ZBTB17: variants seen among roughly 807,000 people sequenced by gnomAD.
ZBTB17 encodes the protein zinc finger and BTB domain containing 17.
Under a neutral mutation model 85.1 loss-of-function variants are expected in ZBTB17, and 24 were observed. The observed-to-expected ratio is 0.28, with a 90% CI of 0.20 to 0.40. ZBTB17 has a LOEUF of 0.40. ZBTB17 is among the 10% of genes least tolerant of loss of function. The pLI is 1.00. For missense variants in ZBTB17, 743 were observed against 1,105.1 expected (o/e 0.67, Z 4.65); for synonymous variants, 464 against 460.2 (o/e 1.01, Z -0.11).
intron 2 of ZBTB17, among the ~76,000 whole-genome samples, chr1:15,961,514 A>G (rs1475405666): frequency 6.6e-6 from 1 of 152,234 alleles, no homozygotes; most frequent in East Asian, 1.9e-4. Flanking sequence ...TCAAGACTCA[A>G]TGTCTCAGTT....
In ZBTB17 at chr1:15,941,935, C is replaced by A; in HGVS notation, c.*34G>T. 6.4e-7 allele frequency: 1 copy of A among 1,568,616 alleles called. No homozygotes were observed. Among genetic ancestry groups the A allele is most frequent in the Non-Finnish European group, 8.6e-7 (1 of 1,161,494 alleles). ...CCCTTCCCGGTTCCAGGGTGCCATC[C>A]ATCCTTAAATAAACAGTCAGAAGGG... On this transcript the variant is annotated 3_prime_UTR_variant, in exon 16 of 16. Coordinates refer to ENST00000375743, the MANE Select transcript of ZBTB17 (RefSeq NM_003443.3).
At chr1:15,968,338 G>C (rs78782564) in intron 2 of ZBTB17, among the ~76,000 whole-genome samples, 1 of 152,106 alleles carries the variant, frequency 6.6e-6, no homozygotes, top group East Asian at 1.9e-4. Flanking sequence ...CCACTCATCC[G>C]ACACTTGCTG....
chr1:15,947,889 T>G (rs2071678563), intron 3 of ZBTB17, among the ~76,000 whole-genome samples: 1 of 152,212 alleles, frequency 6.6e-6, no homozygotes, highest in African/African-American at 2.4e-5. Context: ...TTCCTGACAC[T>G]GCTCCCAGCC....
intron 13 of ZBTB17, 76 bp downstream of exon 13, chr1:15,942,988 G>A: frequency 1.3e-6 from 2 of 1,584,030 alleles, no homozygotes; most frequent in Non-Finnish European, 8.6e-7. Flanking sequence ...GGTCTGGGGG[G>A]TCCCTTCCTT....
chr1:15,970,926 G>A (rs929332469), intron 2 of ZBTB17, among the ~76,000 whole-genome samples: 4 of 152,164 alleles, frequency 2.6e-5, no homozygotes, highest in African/African-American at 9.7e-5. Context: ...GGTCTGCACT[G>A]TGATAGCAAC....
chr1:15,964,520 C>T lies in ZBTB17; in HGVS notation c.-3+8519G>A, dbSNP rs527377739. 7.9e-5 allele frequency among the ~76,000 whole-genome samples: 12 copies of T among 152,128 alleles called. No homozygotes were observed. The highest frequency in any genetic ancestry group is 1.2e-4 in the African/African-American group (5 of 41,508). On this transcript the variant is annotated intron_variant, in intron 2 of 15. Transcript: ENST00000375743. This position sits in a 1 kb window ranked among gnomAD's most constrained non-coding sequence, Gnocchi z 4.3. Reference sequence around the variant, plus strand: ...ATTGCTTGAGCCCAGGAATTCAAGACTAGCTTGGGCTACATGGTGAAACCC... The same window carrying T: ...ATTGCTTGAGCCCAGGAATTCAAGATTAGCTTGGGCTACATGGTGAAACCC...
At position 15,942,124 on chromosome 1, in the gene ZBTB17, A is replaced by C. The variant is rs1401810797; in HGVS notation, c.2257T>G (p.Phe753Val). ...ALVMFQTDAD[F>V]YQQYGPGGTW... The stretch of plus-strand genomic sequence containing the variant: ...CCACCTGGCCCATACTGCTGATAGA[A>C]GTCCGCGTCTGTCTGGAACATGACC... The change falls in exon 16 of 16, where the codon TTC becomes GTC. Residue 753 changes from phenylalanine to valine, a missense_variant. Coordinates refer to ENST00000375743, the MANE Select transcript of ZBTB17 (RefSeq NM_003443.3). The C allele has an allele frequency of 6.2e-7, 1 of 1,613,482 alleles. No individual in the cohort carries two copies. Among genetic ancestry groups the C allele is most frequent in the Non-Finnish European group, 8.5e-7 (1 of 1,180,038 alleles).
rs746969518 is a variant in ZBTB17 at position 15,975,980 on chromosome 1, C to G, written c.-90+3G>C. Reference sequence around the variant, plus strand: ...CCGGCCCCGGGCGATTGTTGACACTCACCTGCCATGTCCCGGACCCCACCG... The same window carrying G: ...CCGGCCCCGGGCGATTGTTGACACTGACCTGCCATGTCCCGGACCCCACCG... On this transcript the variant is annotated splice_donor_region_variant and intron_variant, in intron 1 of 15. Transcript: ENST00000375743. 2.9e-6 allele frequency: 2 copies of G among 700,472 alleles called. No individual in the cohort carries two copies. The highest frequency in any genetic ancestry group is 5.4e-5 in the East Asian group (2 of 37,106). 43.4% of individuals were successfully genotyped at this position (700,472 alleles called of 1,614,324 possible). A position where few individuals can be genotyped will look rare whatever the true frequency, so the allele number is the denominator to read the frequency against.
At chr1:15,971,646 C>T (rs963131437) in intron 2 of ZBTB17, among the ~76,000 whole-genome samples, 2 of 141,742 alleles carry the variant, frequency 1.4e-5, no homozygotes, top group African/African-American at 5.2e-5. Flanking sequence ...AAAAAAAAAA[C>T]GAAAAGGTTG....
At position 15,953,917 on chromosome 1, in the gene ZBTB17, G is replaced by A. The variant is rs2148782903; in HGVS notation, c.-2-5420C>T. Among the ~76,000 whole-genome samples, 1 of 152,326 alleles carries A rather than the reference G, an allele frequency of 6.6e-6. No homozygotes were observed. Among genetic ancestry groups the A allele is most frequent in the East Asian group, 1.9e-4 (1 of 5,184 alleles). ...CCAGGAAGCAGAGATGCAGATGATA[G>A]TTTCATTTTTTTAGGCCAAAGTCTT... On this transcript the variant is annotated intron_variant, in intron 2 of 15. Coordinates refer to ENST00000375743, the MANE Select transcript of ZBTB17 (RefSeq NM_003443.3). This position sits in a 1 kb window ranked among gnomAD's most constrained non-coding sequence, Gnocchi z 5.1.
intron 2 of ZBTB17, among the ~76,000 whole-genome samples, chr1:15,971,541 ACACACACAC>A (rs1192287274): frequency 7.0e-6 from 1 of 143,560 alleles, no homozygotes; most frequent in African/African-American, 2.6e-5. Context: ...CTATATATAT[ACACACACAC>A]TATATATATA....
In ZBTB17 at chr1:15,941,982, G is replaced by A. The variant is rs751649746; in HGVS notation, c.2399C>T (p.Pro800Leu). ...AGGGCCGCCAGCTCACTCGGCAGGC[G>A]GGGGACATTCAGGAGCTGTAGGGGA... is the stretch of plus-strand genomic sequence containing the variant. ...ETSPTAPECP[P>L]PAE Residue 800 changes from proline (P) to leucine (L), a missense_variant, in exon 16 of 16, where the codon CCG (proline) becomes CTG (leucine). By Grantham distance (98) the Pro-to-Leu change is moderately conservative (BLOSUM62 -3). Around this residue, in one of 4 missense-constraint regions of ZBTB17, gnomAD observed 69 missense variants for 77.0 expected, o/e 0.90. Transcript: ENST00000375743. The A allele has an allele frequency of 2.4e-5, 38 of 1,596,786 alleles. No homozygotes were observed. The East Asian group carries it at 6.7e-4, about 28-fold the overall frequency.
In ZBTB17 at chr1:15,943,443, C is replaced by T. The variant is rs757204089; in HGVS notation, c.1653G>A (p.Gln551=). 5 of 1,609,602 alleles carry T rather than the reference C, an allele frequency of 3.1e-6. 1 individual carries two copies. In the South Asian group the frequency reaches 5.5e-5, roughly 18 times the overall value. ...AGACGTAGGGCTTCTCCCCGGTGTG[C>T]TGGCGCACGTGGGCGATGAGGGAGC... ...QASSLIAHVR[Q]HTGEKPYVCE... The change falls in exon 12 of 16, where the codon CAG becomes CAA. Residue 551 remains glutamine (Q), a synonymous_variant. Transcript: ENST00000375743.
chr1:15,973,116 G>C lies in ZBTB17; in HGVS notation c.-80C>G, dbSNP rs996282619. On this transcript the variant is annotated 5_prime_UTR_variant, in exon 2 of 16. Transcript: ENST00000375743. This position sits in a 1 kb window ranked among gnomAD's most constrained non-coding sequence, Gnocchi z 4.1. Reference sequence around the variant, plus strand: ...AACTCCAGCTTGGCTCCCCTCGTCCGGCTCATTACCTGAATCAATGACACA... The same window carrying C: ...AACTCCAGCTTGGCTCCCCTCGTCCCGCTCATTACCTGAATCAATGACACA... The C allele has an allele frequency of 6.6e-6, 1 of 152,116 alleles. No homozygotes were observed. The allele number at this position is 152,116 out of a possible 1,614,324, so 9.4% of individuals were successfully genotyped here.
chr1:15,948,318 C>T lies in ZBTB17; in HGVS notation c.178G>A (p.Val60Met), dbSNP rs2071697877. The T allele has an allele frequency of 6.2e-7, 1 of 1,613,786 alleles. No individual in the cohort carries two copies. Among genetic ancestry groups the T allele is most frequent in the African/African-American group, 1.3e-5 (1 of 74,942 alleles). The change falls in exon 3 of 16, where the codon GTG becomes ATG. Residue 60 changes from valine to methionine, a missense_variant. By Grantham distance (21) the Val-to-Met change is conservative. Transcript: ENST00000375743. ...GCCGCGTTACTGATGTCCAGGTGCA[C>T]CACGTCCTTCTGGTCCACGAAGAGC... Reference protein sequence around the residue: ...KMLFVDQKDVVHLDISNAAGL... With the variant: ...KMLFVDQKDVMHLDISNAAGL...
At chr1:15,969,736 G>A in intron 2 of ZBTB17, 2 of 487,224 alleles carry the variant, frequency 4.1e-6, no homozygotes, top group African/African-American at 1.9e-5. Context: ...GTCTGTGGGA[G>A]CACTCACTGT....
chr1:15,947,134 C>T lies in ZBTB17; in HGVS notation c.206-11G>A, dbSNP rs368271311. 3 of 1,601,274 alleles carry T rather than the reference C, an allele frequency of 1.9e-6. No individual in the cohort carries two copies. Among genetic ancestry groups the T allele is most frequent in the East Asian group, 2.2e-5 (1 of 44,516 alleles). ...GCACCTGCCCCAGGCCTACCAAGGA[C>T]AGGACAGCTGTCACAGACCCACCTC... On this transcript the variant is annotated splice_polypyrimidine_tract_variant and intron_variant, in intron 3 of 15. Transcript: ENST00000375743.
At position 15,953,156 on chromosome 1, in the gene ZBTB17, C is replaced by T. The variant is rs776735870; in HGVS notation, c.-2-4659G>A. On this transcript the variant is annotated intron_variant, in intron 2 of 15. Coordinates refer to ENST00000375743, the MANE Select transcript of ZBTB17 (RefSeq NM_003443.3). This position sits in a 1 kb window ranked among gnomAD's most constrained non-coding sequence, Gnocchi z 5.1. ...TATTTCATATACATTTACATGAAAACATTCCAATTATTTAAAAAAATGTAT... is the reference window on the plus strand; with the variant it reads ...TATTTCATATACATTTACATGAAAATATTCCAATTATTTAAAAAAATGTAT... Among the ~76,000 whole-genome samples, 2 of 151,878 alleles carry T rather than the reference C, an allele frequency of 1.3e-5. No individual in the cohort carries two copies. Among genetic ancestry groups the T allele is most frequent in the Non-Finnish European group, 2.9e-5 (2 of 67,996 alleles).
intron 9 of ZBTB17, 157 bp downstream of exon 9, chr1:15,944,143 G>A (rs762585586): frequency 7.5e-6 from 9 of 1,201,738 alleles, no homozygotes; most frequent in African/African-American, 4.5e-5. Flanking sequence ...GAGCTCCCCC[G>A]CGGAAGTGGC....
Sources: gnomAD v4.1 joint callset for allele counts (sites outside exome capture counted in the v4.1 genomes callset) on GRCh38, gnomAD v4.1.1 for gene constraint, gnomAD v4.1.1 regional missense constraint, Gnocchi (gnomAD v3.1) non-coding constraint, MANE v1.5 for transcripts, NCBI Gene and HGNC (gene_info 2026-07-23, HGNC 2026-07-21) for gene names.